The following ADCY8 variants were observed in gnomAD, a reference collection of about 807,000 sequenced individuals.
The protein encoded by ADCY8 is adenylate cyclase type 8.
ADCY8 carries 51 observed loss-of-function variants against 119.7 expected under a neutral mutation model. The ratio of observed to expected loss-of-function variants is 0.43; its 90% CI spans 0.34 to 0.54. The LOEUF is 0.54. Ranked by LOEUF, ADCY8 falls within the 20% of genes least tolerant of loss-of-function variation. The probability of loss-of-function intolerance (pLI) is 0.03; values close to 1 mark genes in which losing one functional copy is unlikely to be tolerated. For missense variants in ADCY8, 1,383 were observed against 1,598.8 expected (o/e 0.87, Z 2.30); for synonymous variants, 665 against 651.0 (o/e 1.02, Z -0.33).
chr8:130,998,231 T>A (rs868831246), intron 1 of ADCY8, among the ~76,000 whole-genome samples: 2 of 152,072 alleles, frequency 1.3e-5, no homozygotes, highest in Middle Eastern at 6.8e-3. Context: ...ATAAGTAGGA[T>A]GGAAAGTGAT....
intron 2 of ADCY8, among the ~76,000 whole-genome samples, chr8:130,968,947 C>CT (rs1052261798): frequency 1.1e-4 from 16 of 152,228 alleles, no homozygotes; most frequent in African/African-American, 3.6e-4. Context: ...ACTTCAAAGT[C>CT]TTTTTAGAGA....
chr8:130,904,549 TC>T (rs1819719204), intron 6 of ADCY8, among the ~76,000 whole-genome samples: 1 of 152,230 alleles, frequency 6.6e-6, no homozygotes, highest in Non-Finnish European at 1.5e-5. Flanking sequence ...TATATTCTTC[TC>T]AAGGGTGATT....
rs111561076 is a variant in ADCY8 at position 130,829,729 on chromosome 8, G to A, written c.2675+6548C>T. Among the ~76,000 whole-genome samples, 643 of 152,320 alleles carry A rather than the reference G, an allele frequency of 4.2e-3. 6 individuals carry two copies. Among genetic ancestry groups the A allele is most frequent in the African/African-American group, 0.014 (588 of 41,568 alleles). ...ACATGGTCTATGGTAGTCATGAAAG[G>A]ATTAATAATTGCAGGAAAGATTTAG... is the stretch of plus-strand genomic sequence containing the variant. On this transcript the variant is annotated intron_variant, in intron 12 of 17. Transcript: ENST00000286355.
At chr8:131,037,271 C>T (rs915840854) in intron 1 of ADCY8, among the ~76,000 whole-genome samples, 1 of 152,068 alleles carries the variant, frequency 6.6e-6, no homozygotes, top group Non-Finnish European at 1.5e-5. Flanking sequence ...CCTTGGATTT[C>T]ACAGTGGAGA....
At chr8:131,003,210 A>T (rs868579003) in intron 1 of ADCY8, among the ~76,000 whole-genome samples, 1,621 of 148,664 alleles carry the variant, frequency 0.011, 12 homozygotes, top group South Asian at 0.02. Context: ...ACACCATCAC[A>T]CACACACACA....
chr8:130,922,754 A>G (rs890158508), intron 5 of ADCY8, among the ~76,000 whole-genome samples: 1 of 152,210 alleles, frequency 6.6e-6, no homozygotes, highest in African/African-American at 2.4e-5. Flanking sequence ...GTGGCCGGGC[A>G]GATAAATTCC....
In ADCY8 at chr8:130,783,758, T is replaced by C; in HGVS notation, c.3201A>G (p.Ser1067=). The C allele has an allele frequency of 6.2e-7, 1 of 1,613,864 alleles. No homozygotes were observed. Among genetic ancestry groups the C allele is most frequent in the Non-Finnish European group, 8.5e-7 (1 of 1,179,868 alleles). Residue 1067 remains serine, a synonymous_variant, in exon 17 of 18, where the codon TCA becomes TCG. Transcript: ENST00000286355. ...WGHLCALADF[S]LALTESIQEI... ...CCTGTATGCTTTCTGTCAGGGCGAG[T>C]GAGAAGTCAGCCAGAGCACACAAAT...
intron 2 of ADCY8, among the ~76,000 whole-genome samples, chr8:130,959,130 C>G (rs1821523156): frequency 6.6e-6 from 1 of 152,130 alleles, no homozygotes; most frequent in Non-Finnish European, 1.5e-5. Context: ...AAATTAAACC[C>G]TTATTGTATT....
At chr8:130,942,098 G>C (rs541043343) in intron 4 of ADCY8, among the ~76,000 whole-genome samples, 1 of 152,202 alleles carries the variant, frequency 6.6e-6, no homozygotes, top group African/African-American at 2.4e-5. Context: ...CCTCCTTGCA[G>C]CTACTTATCT....
chr8:130,803,864 TG>T (rs1189196251), intron 14 of ADCY8, among the ~76,000 whole-genome samples: 29 of 152,344 alleles, frequency 1.9e-4, no homozygotes, highest in Admixed American at 4.6e-4. Flanking sequence ...ACTTTAAGCA[TG>T]GATTAATCTA....
chr8:130,939,913 G>C (rs899630157), intron 4 of ADCY8, among the ~76,000 whole-genome samples: 5 of 152,198 alleles, frequency 3.3e-5, no homozygotes, highest in African/African-American at 4.8e-5. Flanking sequence ...TCAGTGGAGA[G>C]AGGGGAAGCT....
Position 130,797,849 on chromosome 8 carries a change from G to A in ADCY8, c.3060+2577C>T, listed in dbSNP as rs115638154. ...CCACACCCATCCCAGGGCAACTACG[G>A]TGACCATGTTTGAGCTTATGACTTC... On this transcript the variant is annotated intron_variant, in intron 15 of 17. Transcript: ENST00000286355. Among the ~76,000 whole-genome samples, 1,483 of 152,284 alleles carry A rather than the reference G, an allele frequency of 9.7e-3. 26 individuals carry two copies. Among genetic ancestry groups the A allele is most frequent in the African/African-American group, 0.034 (1,411 of 41,556 alleles).
At chr8:130,971,397 A>G (rs1020250145) in intron 2 of ADCY8, among the ~76,000 whole-genome samples, 1 of 152,160 alleles carries the variant, frequency 6.6e-6, no homozygotes, top group South Asian at 2.1e-4. Flanking sequence ...TGTTATTTGT[A>G]TATTACTGCA....
At chr8:130,905,725 TG>T (rs1455341569) in intron 6 of ADCY8, among the ~76,000 whole-genome samples, 3 of 152,114 alleles carry the variant, frequency 2.0e-5, no homozygotes, top group African/African-American at 4.8e-5. Flanking sequence ...CTGGGCGTGG[TG>T]GTGCATGCCT....
chr8:130,802,729 A>G (rs1157192383), intron 14 of ADCY8, among the ~76,000 whole-genome samples: 1 of 152,160 alleles, frequency 6.6e-6, no homozygotes, highest in Non-Finnish European at 1.5e-5. Flanking sequence ...CCCAGTGTTC[A>G]AGTGTCAACC....
intron 1 of ADCY8, among the ~76,000 whole-genome samples, chr8:131,020,708 C>T (rs191247669): frequency 5.3e-5 from 8 of 152,284 alleles, no homozygotes; most frequent in African/African-American, 1.9e-4. Flanking sequence ...TAGTCCAGCT[C>T]CTTCTTCTTT....
chr8:130,907,119 C>T (rs1819814318), intron 6 of ADCY8, among the ~76,000 whole-genome samples: 1 of 152,088 alleles, frequency 6.6e-6, no homozygotes, highest in Non-Finnish European at 1.5e-5. Context: ...TGCATTATTT[C>T]ATTTAACACA....
chr8:130,988,510 T>C (rs540516271), intron 2 of ADCY8, among the ~76,000 whole-genome samples: 1 of 152,286 alleles, frequency 6.6e-6, no homozygotes, highest in South Asian at 2.1e-4. Context: ...TTGAGGCAAA[T>C]ATAATGCAGA....
At chr8:130,843,466 A>G (rs3914070) in intron 11 of ADCY8, among the ~76,000 whole-genome samples, 32,829 of 152,094 alleles carry the variant, frequency 0.22, 3,619 homozygotes, top group Admixed American at 0.26. Flanking sequence ...GTATTCTCAA[A>G]TCAGGGAGTC....
Sources: allele counts gnomAD v4.1 joint callset (sites outside exome capture counted in the v4.1 genomes callset), GRCh38; gene constraint gnomAD v4.1.1; transcripts MANE v1.5; gene names NCBI Gene and HGNC (gene_info 2026-07-23, HGNC 2026-07-21).